The following EYS variants were observed in gnomAD, a reference collection of about 807,000 sequenced individuals.
EYS encodes the protein EGF-like photoreceptor maintenance factor, also known as protein eyes shut homolog.
EYS carries 250 observed loss-of-function variants against 282.1 expected under a neutral mutation model. That is an observed-to-expected ratio of 0.89 (90% CI 0.80 to 0.98). The LOEUF (loss-of-function observed/expected upper bound fraction) is 0.98. Among genes scored for constraint, EYS ranks in the 50% least tolerant of loss-of-function variants. EYS has a pLI of 0.00. For missense variants in EYS, 4,016 were observed against 3,709.0 expected (o/e 1.08, Z -2.15); for synonymous variants, 1,355 against 1,282.9 (o/e 1.06, Z -1.20).
intron 31 of EYS, among the ~76,000 whole-genome samples, chr6:64,095,899 C>A (rs1194534606): frequency 6.6e-6 from 1 of 152,198 alleles, no homozygotes; most frequent in Non-Finnish European, 1.5e-5. Context: ...GTACCGGTTG[C>A]TCCTTTCCAT....
intron 12 of EYS, among the ~76,000 whole-genome samples, chr6:65,171,984 C>T (rs1765115650): frequency 1.3e-5 from 2 of 151,190 alleles, no homozygotes; most frequent in African/African-American, 4.9e-5. Flanking sequence ...GCCAATAGTG[C>T]CATGTTAGGA....
At chr6:64,414,176 A>G (rs527561586) in intron 28 of EYS, among the ~76,000 whole-genome samples, 11 of 152,322 alleles carry the variant, frequency 7.2e-5, no homozygotes, top group African/African-American at 2.6e-4. Context: ...AAAATAGAGA[A>G]GAAACCTTAA....
At chr6:64,150,155 T>C (rs1181080418) in intron 31 of EYS, among the ~76,000 whole-genome samples, 2 of 152,222 alleles carry the variant, frequency 1.3e-5, no homozygotes, top group Non-Finnish European at 2.9e-5. Flanking sequence ...ATGTGGAATC[T>C]CAGGCCCTAC....
chr6:65,613,485 T>A (rs1048921840), intron 2 of EYS, among the ~76,000 whole-genome samples: 1 of 151,840 alleles, frequency 6.6e-6, no homozygotes, highest in African/African-American at 2.4e-5. Context: ...CTGGGTAAGA[T>A]CATTTTTAAG....
At position 64,047,069 on chromosome 6, in the gene EYS, C is replaced by T. The variant is rs1248177989; in HGVS notation, c.6725+19269G>A. Among the ~76,000 whole-genome samples, 15 of 151,958 alleles carry T rather than the reference C, an allele frequency of 9.9e-5. 1 individual carries two copies. The highest frequency in any genetic ancestry group is 2.9e-5 in the Non-Finnish European group (2 of 67,972). ...ATTTCACCTAATGACTTTTTTTCCC[C>T]CTCTCATTATTCCATATTTGAAATT... is the stretch of plus-strand genomic sequence containing the variant. On this transcript the variant is annotated intron_variant, in intron 33 of 42. Coordinates refer to ENST00000503581, the MANE Select transcript of EYS (RefSeq NM_001142800.2).
At chr6:65,114,583 C>A (rs984444503) in intron 12 of EYS, among the ~76,000 whole-genome samples, 3 of 151,680 alleles carry the variant, frequency 2.0e-5, no homozygotes, top group Non-Finnish European at 2.9e-5. Flanking sequence ...TGGAAAAAAT[C>A]TATTCTATTT....
At chr6:64,703,896 G>A (rs62418059) in intron 22 of EYS, among the ~76,000 whole-genome samples, 8,615 of 152,012 alleles carry the variant, frequency 0.057, 312 homozygotes, top group East Asian at 0.15. Flanking sequence ...AAAATAACGA[G>A]GGCATTATTA....
intron 36 of EYS, among the ~76,000 whole-genome samples, chr6:63,823,849 AT>A (rs1398129186): frequency 1.3e-5 from 2 of 151,558 alleles, no homozygotes; most frequent in Non-Finnish European, 2.9e-5. Flanking sequence ...TTTTATTTGC[AT>A]TATTGTTCTT....
rs756175315 is a variant in EYS at position 64,997,604 on chromosome 6, G to A, written c.2237C>T (p.Ser746Phe). The stretch of plus-strand genomic sequence containing the variant: ...AACGAGATGCAGGTCTTTGCAGGTA[G>A]AATTGTGCTCACAGGCATTCAGGAT... The part of the protein sequence containing the change: ...DCILNACEHN[S>F]TCKDLHLSYQ... The change falls in exon 14 of 43, where the codon TCT (serine) becomes TTT (phenylalanine). Residue 746 changes from serine to phenylalanine, a missense_variant. Ser to Phe is a radical substitution (Grantham distance 155). Transcript: ENST00000503581. 12 of 1,551,212 alleles carry A rather than the reference G, an allele frequency of 7.7e-6. No individual in the cohort carries two copies. Among genetic ancestry groups the A allele is most frequent in the Middle Eastern group, 1.7e-4 (1 of 5,988 alleles).
chr6:64,666,238 A>T (rs1284672782), intron 22 of EYS, among the ~76,000 whole-genome samples: 1 of 152,196 alleles, frequency 6.6e-6, no homozygotes. Context: ...CCCCAAACCT[A>T]AAACTTAAAA....
chr6:64,525,699 TA>T (rs1582853039), intron 26 of EYS, among the ~76,000 whole-genome samples: 1 of 151,478 alleles, frequency 6.6e-6, no homozygotes, highest in East Asian at 1.9e-4. Flanking sequence ...AAAATAAAAA[TA>T]AAAAACAGTG....
chr6:65,297,804 G>T (rs1440305914), intron 11 of EYS, among the ~76,000 whole-genome samples: 1 of 150,406 alleles, frequency 6.6e-6, no homozygotes, highest in Admixed American at 6.6e-5. Flanking sequence ...TACAGAAAAA[G>T]AAAAAAAAAC....
intron 26 of EYS, among the ~76,000 whole-genome samples, chr6:64,564,268 C>CTTTTTTTTTTTTTTTTT (rs4034161): frequency 1.7e-5 from 1 of 59,374 alleles, no homozygotes. Flanking sequence ...ATCTTTTGTC[C>CTTTTTTTTTTTTTTTTT]TTTTTTTTTT....
intron 12 of EYS, among the ~76,000 whole-genome samples, chr6:65,206,476 A>G (rs750252129): frequency 4.7e-4 from 72 of 151,862 alleles, no homozygotes; most frequent in Non-Finnish European, 1.5e-4. Flanking sequence ...GCTGCTACCA[A>G]TCTTACTGCA....
chr6:63,750,842 T>C (rs1464346291), intron 41 of EYS, among the ~76,000 whole-genome samples: 1 of 152,200 alleles, frequency 6.6e-6, no homozygotes, highest in Non-Finnish European at 1.5e-5. Context: ...GGAATTGTGG[T>C]CCACATATTA....
intron 26 of EYS, among the ~76,000 whole-genome samples, chr6:64,572,940 A>T (rs1024203754): frequency 2.0e-5 from 3 of 152,210 alleles, no homozygotes; most frequent in Admixed American, 6.6e-5. Flanking sequence ...TTTCATATGG[A>T]ACCAAAATAG....
intron 12 of EYS, among the ~76,000 whole-genome samples, chr6:65,174,362 T>A (rs997168979): frequency 6.6e-6 from 1 of 151,408 alleles, no homozygotes; most frequent in Non-Finnish European, 1.5e-5. Context: ...TTGATAGCAC[T>A]GATTTCTAAA....
chr6:64,954,918 C>T (rs1164718683), intron 14 of EYS, among the ~76,000 whole-genome samples: 1 of 152,122 alleles, frequency 6.6e-6, no homozygotes, highest in Non-Finnish European at 1.5e-5. Flanking sequence ...CCTGTAATCC[C>T]AGAACTTTGG....
chr6:64,771,877 T>G (rs1245428167), intron 22 of EYS, among the ~76,000 whole-genome samples: 1 of 151,840 alleles, frequency 6.6e-6, no homozygotes, highest in African/African-American at 2.4e-5. Context: ...CATTGCATTA[T>G]GCAGATATTC....
Sources: gnomAD v4.1 joint callset for allele counts (sites outside exome capture counted in the v4.1 genomes callset) on GRCh38, gnomAD v4.1.1 for gene constraint, MANE v1.5 for transcripts, NCBI Gene and HGNC (gene_info 2026-07-23, HGNC 2026-07-21) for gene names.